The following ABL2 variants were observed in gnomAD, a reference collection of about 807,000 sequenced individuals.
The protein encoded by ABL2 is tyrosine-protein kinase ABL2.
Under a neutral mutation model 107.7 loss-of-function variants are expected in ABL2, and 49 were observed. The observed-to-expected ratio is 0.45, with a 90% CI of 0.36 to 0.58. The LOEUF (loss-of-function observed/expected upper bound fraction) is 0.58, where lower values mean the gene tolerates loss of function less well. Ranked by LOEUF, ABL2 falls within the 20% of genes least tolerant of loss-of-function variation. The pLI is 0.00. For missense variants in ABL2, 1,245 were observed against 1,457.0 expected (o/e 0.85, Z 2.37); for synonymous variants, 549 against 548.6 (o/e 1.00, Z -0.01).
At position 179,225,976 on chromosome 1, in the gene ABL2, G is replaced by A. The variant is rs553138744; in HGVS notation, c.157+3265C>T. Reference sequence around the variant, plus strand: ...GGAGAATGGCGTGAACCCGGGAGGCGGAGCTTGCAGTGAGCCGAGATCGCG... The same window carrying A: ...GGAGAATGGCGTGAACCCGGGAGGCAGAGCTTGCAGTGAGCCGAGATCGCG... On this transcript the variant is annotated intron_variant, in intron 1 of 11. Transcript: ENST00000502732. Among the ~76,000 whole-genome samples, 10 of 148,084 alleles carry A rather than the reference G, an allele frequency of 6.8e-5. No individual in the cohort carries two copies. The South Asian group carries it at 1.9e-3, about 29-fold the overall frequency.
intron 1 of ABL2, among the ~76,000 whole-genome samples, chr1:179,209,165 ATCT>A (rs1213661456): frequency 1.3e-5 from 2 of 151,944 alleles, no homozygotes; most frequent in African/African-American, 4.8e-5. Flanking sequence ...GAATTATCTC[ATCT>A]TCTTCTCTGA....
rs755606411 is a variant in ABL2 at position 179,131,434 on chromosome 1, T to G, written c.268A>C (p.Asn90His). The G allele has an allele frequency of 1.5e-5, 24 of 1,614,120 alleles. No individual in the cohort carries two copies. Among genetic ancestry groups the G allele is most frequent in the Non-Finnish European group, 1.9e-5 (23 of 1,179,984 alleles). The part of the protein sequence containing the change: ...YGCDVEPQAL[N>H]EAIRWSSKEN... ...TTGGAGCTCCACCTGATAGCCTCAT[T>G]TAGTGCCTGGGGTTCAACATCACAA... is the stretch of plus-strand genomic sequence containing the variant. The change falls in exon 3 of 12, where the codon AAT becomes CAT. Residue 90 changes from asparagine to histidine, a missense_variant. This residue lies in a region of ABL2 where 164 missense variants were observed against 143.7 expected (regional missense o/e 1.14). Coordinates refer to ENST00000502732, the MANE Select transcript of ABL2 (RefSeq NM_007314.4).
At chr1:179,189,887 C>G (rs1660898818) in intron 1 of ABL2, among the ~76,000 whole-genome samples, 1 of 151,674 alleles carries the variant, frequency 6.6e-6, no homozygotes, top group South Asian at 2.1e-4. Context: ...ACGGCGTGAT[C>G]TCGGCTCATG....
intron 3 of ABL2, among the ~76,000 whole-genome samples, chr1:179,128,360 G>C (rs1354824455): frequency 6.6e-6 from 1 of 151,910 alleles, no homozygotes; most frequent in Non-Finnish European, 1.5e-5. Context: ...AAAGAATCCT[G>C]CTAGAAAAAC....
At chr1:179,189,265 A>G (rs1660863092) in intron 1 of ABL2, among the ~76,000 whole-genome samples, 1 of 152,088 alleles carries the variant, frequency 6.6e-6, no homozygotes, top group African/African-American at 2.4e-5. Flanking sequence ...CCTCCCGAGT[A>G]GCTGGGATTA....
At position 179,104,822 on chromosome 1, in the gene ABL2, G is replaced by A. The variant is rs966973165; in HGVS notation, c.*2896C>T. 7 of 217,868 alleles carry A rather than the reference G, an allele frequency of 3.2e-5. No individual in the cohort carries two copies. The highest frequency in any genetic ancestry group is 6.4e-5 in the Non-Finnish European group (7 of 108,546). The allele number at this position is 217,868 out of a possible 1,614,324, so 13.5% of individuals were successfully genotyped here. ...ATAACCACTTTAGAAAACTGTCAACGCCTTGGACAAGGGCCTTTGCTCATT... is the reference window on the plus strand; with the variant it reads ...ATAACCACTTTAGAAAACTGTCAACACCTTGGACAAGGGCCTTTGCTCATT... On this transcript the variant is annotated 3_prime_UTR_variant, in exon 12 of 12. Transcript: ENST00000502732.
chr1:179,101,051 C>T lies in ABL2; in HGVS notation c.*6667G>A, dbSNP rs866014875. 2 of 232,006 alleles carry T rather than the reference C, an allele frequency of 8.6e-6. No individual in the cohort carries two copies. The highest frequency in any genetic ancestry group is 1.3e-3 in the Middle Eastern group (1 of 792). 14.4% of individuals were successfully genotyped at this position (232,006 alleles called of 1,614,324 possible). A position where few individuals can be genotyped will look rare whatever the true frequency, so the allele number is the denominator to read the frequency against. On this transcript the variant is annotated 3_prime_UTR_variant, in exon 12 of 12. Coordinates refer to ENST00000502732, the MANE Select transcript of ABL2 (RefSeq NM_007314.4). The stretch of plus-strand genomic sequence containing the variant: ...ACTCTCAGGAAACCACTTCAAGTGG[C>T]GGATTCTCACAGATGGAGGATCTGG...
intron 3 of ABL2, among the ~76,000 whole-genome samples, chr1:179,130,121 T>C (rs187397161): frequency 1.3e-5 from 2 of 152,294 alleles, no homozygotes; most frequent in Non-Finnish European, 2.9e-5. Flanking sequence ...TTTTGTATTT[T>C]AGTAGAGATG....
At chr1:179,204,726 G>A (rs989305012) in intron 1 of ABL2, among the ~76,000 whole-genome samples, 1 of 152,030 alleles carries the variant, frequency 6.6e-6, no homozygotes, top group Non-Finnish European at 1.5e-5. Flanking sequence ...CAGCCTGGGT[G>A]ACAGAGCAAG....
chr1:179,142,455 CAGTT>C (rs1657676727), intron 1 of ABL2, among the ~76,000 whole-genome samples: 1 of 152,164 alleles, frequency 6.6e-6, no homozygotes, highest in South Asian at 2.1e-4. Flanking sequence ...TACTTTTCAC[CAGTT>C]AGTCATTCAG....
At chr1:179,155,037 A>G (rs1344985823) in intron 1 of ABL2, among the ~76,000 whole-genome samples, 1 of 152,244 alleles carries the variant, frequency 6.6e-6, no homozygotes, top group African/African-American at 2.4e-5. Context: ...ATGTCAATTA[A>G]CTTGTTCAAG....
At chr1:179,122,276 TAAAAA>T (rs34338293) in intron 4 of ABL2, among the ~76,000 whole-genome samples, 1 of 126,800 alleles carries the variant, frequency 7.9e-6, no homozygotes. Flanking sequence ...AGGCTATCTT[TAAAAA>T]AAAAAAAAAA....
intron 1 of ABL2, among the ~76,000 whole-genome samples, chr1:179,173,399 T>C (rs1390181359): frequency 1.4e-5 from 2 of 144,674 alleles, no homozygotes; most frequent in Non-Finnish European, 3.0e-5. Flanking sequence ...AATCTTGCTC[T>C]GTCACCAGGC....
rs954612712 is a variant in ABL2 at position 179,126,249 on chromosome 1, A to G, written c.687+128T>C. 8.7e-7 allele frequency: 1 copy of G among 1,153,940 alleles called. No homozygotes were observed. The highest frequency in any genetic ancestry group is 2.7e-5 in the Admixed American group (1 of 36,906). The allele number at this position is 1,153,940 out of a possible 1,614,324, so 71.5% of individuals were successfully genotyped here. On this transcript the variant is annotated intron_variant, in intron 4 of 11. Coordinates refer to ENST00000502732, the MANE Select transcript of ABL2 (RefSeq NM_007314.4). This position sits in a 1 kb window ranked among gnomAD's most constrained non-coding sequence, Gnocchi z 4.4. Reference sequence around the variant, plus strand: ...AGCTCTAACATGCCAAAAAGCCCAAACTCACAAAGCTAGTGAATATTTTAT... The same window carrying G: ...AGCTCTAACATGCCAAAAAGCCCAAGCTCACAAAGCTAGTGAATATTTTAT...
chr1:179,112,678 C>G (rs1195482477), intron 9 of ABL2, among the ~76,000 whole-genome samples: 1 of 151,724 alleles, frequency 6.6e-6, no homozygotes, highest in Non-Finnish European at 1.5e-5. Flanking sequence ...CAGCCTTGAC[C>G]TCCTGGGTTC....
intron 1 of ABL2, among the ~76,000 whole-genome samples, chr1:179,164,851 G>A (rs1052323503): frequency 2.6e-5 from 4 of 152,158 alleles, no homozygotes; most frequent in Non-Finnish European, 4.4e-5. Context: ...TTCCAAGACC[G>A]CCAGTGGATT....
intron 9 of ABL2, among the ~76,000 whole-genome samples, chr1:179,113,402 T>A (rs989261070): frequency 6.6e-6 from 1 of 152,116 alleles, no homozygotes; most frequent in African/African-American, 2.4e-5. Flanking sequence ...TTCAGAAATA[T>A]AAAAGGATAT....
intron 1 of ABL2, among the ~76,000 whole-genome samples, chr1:179,144,480 T>C (rs1198445926): frequency 6.6e-6 from 1 of 151,134 alleles, no homozygotes; most frequent in African/African-American, 2.4e-5. Context: ...AAAAAAAGAG[T>C]GTTTGTTTAA....
At chr1:179,229,170 G>GGCCCCCCCCCCCCCCCCCCCCCCCC in intron 1 of ABL2, 71 bp downstream of exon 1, 1 of 266,254 alleles carries the variant, frequency 3.8e-6, no homozygotes, top group Non-Finnish European at 6.8e-6. Flanking sequence ...CAGCCCGTCC[G>GGCCCCCCCCCCCCCCCCCCCCCCCC]CCACCCACCC....
Sources: allele counts gnomAD v4.1 joint callset (sites outside exome capture counted in the v4.1 genomes callset), GRCh38; gene constraint gnomAD v4.1.1; regional missense constraint gnomAD v4.1.1; non-coding constraint Gnocchi (gnomAD v3.1); transcripts MANE v1.5; gene names NCBI Gene and HGNC (gene_info 2026-07-23, HGNC 2026-07-21).